Variants in UBE2E2 observed in about 807,000 individuals in gnomAD.
UBE2E2 encodes ubiquitin-conjugating enzyme E2 E2.
UBE2E2 carries 6 observed loss-of-function variants against 24.7 expected under a neutral mutation model. The observed-to-expected ratio is 0.24, with a 90% CI of 0.13 to 0.48. The LOEUF is 0.48. Among genes scored for constraint, UBE2E2 ranks in the 20% least tolerant of loss-of-function variants. UBE2E2 has a pLI of 0.99. For synonymous variants in UBE2E2, 104 were observed against 83.6 expected, an observed-to-expected ratio of 1.24 and a Z score of -1.33; for missense variants, 169 against 245.0, an observed-to-expected ratio of 0.69 and a Z score of 2.07.
upstream of UBE2E2, chr3:23,203,130 GGGC>G: frequency 1.0e-6 from 1 of 984,492 alleles, no homozygotes; most frequent in East Asian, 1.1e-4. Flanking sequence ...GCGGACGGCC[GGGC>G]GGCGGCGGCT....
At chr3:23,580,826 T>A (rs1393756982) in intron 5 of UBE2E2, among the ~76,000 whole-genome samples, 1 of 152,114 alleles carries the variant, frequency 6.6e-6, no homozygotes, top group Non-Finnish European at 1.5e-5. Flanking sequence ...ACAAACATAA[T>A]CATAAAAGAG....
chr3:23,577,738 T>C (rs148897721), intron 5 of UBE2E2, among the ~76,000 whole-genome samples: 6 of 152,248 alleles, frequency 3.9e-5, no homozygotes, highest in Non-Finnish European at 8.8e-5. Context: ...GATACCAATC[T>C]AGGACATTTA....
chr3:23,290,172 C>T (rs1350630300), intron 3 of UBE2E2, among the ~76,000 whole-genome samples: 1 of 152,230 alleles, frequency 6.6e-6, no homozygotes, highest in Non-Finnish European at 1.5e-5. Flanking sequence ...TGTGTTTACC[C>T]TGCTAAGCAG....
At chr3:23,304,032 A>G (rs1699178420) in intron 3 of UBE2E2, among the ~76,000 whole-genome samples, 1 of 152,152 alleles carries the variant, frequency 6.6e-6, no homozygotes, top group African/African-American at 2.4e-5. Flanking sequence ...TCTTTAGTCC[A>G]CGACTGTTGG....
rs80166846 is a variant in UBE2E2, at chr3:23,564,037, G to GTT, written c.509-25689_509-25688dup. 2.5e-4 allele frequency among the ~76,000 whole-genome samples: 38 copies of GTT among 150,714 alleles called. 1 individual carries two copies. Among genetic ancestry groups the GTT allele is most frequent in the South Asian group, 8.4e-4 (4 of 4,772 alleles). On this transcript the variant is annotated intron_variant, in intron 5 of 5. Coordinates refer to ENST00000396703, the MANE Select transcript of UBE2E2 (RefSeq NM_152653.4). ...GGAAGGAAGGAAAGAGGTTTTTTCT[G>GTT]TTTTTTTTTACCATTCCTAAGAACA...
At chr3:23,426,525 C>G (rs572939882) in intron 3 of UBE2E2, among the ~76,000 whole-genome samples, 2 of 151,636 alleles carry the variant, frequency 1.3e-5, no homozygotes, top group African/African-American at 2.4e-5. Flanking sequence ...GGAGACCTGA[C>G]TTAGAGAATT....
intron 4 of UBE2E2, among the ~76,000 whole-genome samples, chr3:23,515,306 A>G (rs1694705490): frequency 6.6e-6 from 1 of 152,208 alleles, no homozygotes; most frequent in South Asian, 2.1e-4. Context: ...GAAATAGGAG[A>G]TATTTCCTCC....
intron 3 of UBE2E2, among the ~76,000 whole-genome samples, chr3:23,218,762 T>A (rs1696548713): frequency 6.6e-6 from 1 of 152,236 alleles, no homozygotes; most frequent in Non-Finnish European, 1.5e-5. Flanking sequence ...TATCATGTGA[T>A]GTAGACTGCA....
intron 3 of UBE2E2, among the ~76,000 whole-genome samples, chr3:23,448,562 A>T (rs1463824409): frequency 6.6e-6 from 1 of 152,224 alleles, no homozygotes; most frequent in Non-Finnish European, 1.5e-5. Context: ...AAAGTATTTC[A>T]ACTTTTACAG....
At chr3:23,228,248 T>A (rs1246587303) in intron 3 of UBE2E2, among the ~76,000 whole-genome samples, 3 of 152,226 alleles carry the variant, frequency 2.0e-5, no homozygotes, top group Non-Finnish European at 4.4e-5. Flanking sequence ...TCTTTGAATT[T>A]TTTTTAAATT....
chr3:23,335,561 TA>T (rs1336918502), intron 3 of UBE2E2, among the ~76,000 whole-genome samples: 2 of 152,200 alleles, frequency 1.3e-5, no homozygotes. Context: ...GACATGGTCT[TA>T]CTCTGTCACT....
At chr3:23,459,555 G>C (rs182010425) in intron 3 of UBE2E2, among the ~76,000 whole-genome samples, 1 of 152,088 alleles carries the variant, frequency 6.6e-6, no homozygotes, top group African/African-American at 2.4e-5. Context: ...TATCCAGAAC[G>C]TAAAAAGGAG....
intron 3 of UBE2E2, among the ~76,000 whole-genome samples, chr3:23,374,486 G>A (rs547880839): frequency 3.9e-5 from 6 of 152,170 alleles, no homozygotes; most frequent in Non-Finnish European, 8.8e-5. Context: ...TACTTAGGCA[G>A]GTTATAGACT....
chr3:23,448,011 T>A (rs1056153750), intron 3 of UBE2E2, among the ~76,000 whole-genome samples: 1 of 152,172 alleles, frequency 6.6e-6, no homozygotes, highest in Non-Finnish European at 1.5e-5. Context: ...GCAAAGTAAA[T>A]ATAAAATCAA....
At chr3:23,258,454 C>A (rs1236655152) in intron 3 of UBE2E2, among the ~76,000 whole-genome samples, 1 of 152,208 alleles carries the variant, frequency 6.6e-6, no homozygotes, top group Non-Finnish European at 1.5e-5. Context: ...ACCTAACCTA[C>A]TGCTTTTGAA....
chr3:23,301,617 G>T (rs1367951271), intron 3 of UBE2E2, among the ~76,000 whole-genome samples: 1 of 152,158 alleles, frequency 6.6e-6, no homozygotes, highest in African/African-American at 2.4e-5. Flanking sequence ...AACCACAGAT[G>T]CTGCTGTCTG....
chr3:23,504,196 C>T (rs554876241), intron 4 of UBE2E2, among the ~76,000 whole-genome samples: 1 of 152,266 alleles, frequency 6.6e-6, no homozygotes, highest in South Asian at 2.1e-4. Flanking sequence ...CCCATGGCTT[C>T]ATGATTACTT....
intron 3 of UBE2E2, among the ~76,000 whole-genome samples, chr3:23,221,647 T>TG (rs1029365418): frequency 6.6e-6 from 1 of 152,138 alleles, no homozygotes; most frequent in African/African-American, 2.4e-5. Context: ...ACTTCTTTTT[T>TG]TTTTCTGAGA....
At chr3:23,422,932 T>C (rs954520222) in intron 3 of UBE2E2, among the ~76,000 whole-genome samples, 3 of 152,218 alleles carry the variant, frequency 2.0e-5, no homozygotes, top group African/African-American at 7.2e-5. Flanking sequence ...CTCTTCTCCA[T>C]ATCTTCACCT....
Sources: allele counts gnomAD v4.1 joint callset (sites outside exome capture counted in the v4.1 genomes callset), GRCh38; gene constraint gnomAD v4.1.1; transcripts MANE v1.5; gene names NCBI Gene and HGNC (gene_info 2026-07-23, HGNC 2026-07-21).